The following TANC1 variants were observed in gnomAD, a reference collection of about 807,000 sequenced individuals.
TANC1 encodes tetratricopeptide repeat, ankyrin repeat and coiled-coil containing 1, also known as protein TANC1.
In TANC1, 77 loss-of-function variants were observed where a neutral mutation model predicts 149.7. That is an observed-to-expected ratio of 0.51 (90% CI 0.43 to 0.62). The LOEUF (loss-of-function observed/expected upper bound fraction) is 0.62, where lower values mean the gene tolerates loss of function less well. Ranked by LOEUF, TANC1 falls within the 20% of genes least tolerant of loss-of-function variation. The probability of loss-of-function intolerance (pLI) is 0.00; values close to 1 mark genes in which losing one functional copy is unlikely to be tolerated. For missense variants in TANC1, 1,985 were observed against 2,321.8 expected, an observed-to-expected ratio of 0.85 and a Z score of 2.98; for synonymous variants, 854 against 925.0, an observed-to-expected ratio of 0.92 and a Z score of 1.39.
chr2:159,201,989 T>TA (rs1419869166), intron 19 of TANC1, among the ~76,000 whole-genome samples: 1 of 152,214 alleles, frequency 6.6e-6, no homozygotes, highest in African/African-American at 2.4e-5. Context: ...CGCAGGAGCT[T>TA]AAATTCACGC....
intron 3 of TANC1, among the ~76,000 whole-genome samples, chr2:159,073,432 C>G (rs774643291): frequency 2.0e-5 from 3 of 152,144 alleles, no homozygotes; most frequent in African/African-American, 7.2e-5. Flanking sequence ...CTAATAAGAC[C>G]TTTTTGTGGC....
At chr2:159,170,899 A>C in intron 10 of TANC1, 94 bp downstream of exon 10, 1 of 1,374,340 alleles carries the variant, frequency 7.3e-7, no homozygotes. Context: ...AATTTTCCTC[A>C]AGTTGTTGCA....
chr2:159,100,895 A>G (rs1469614332), intron 4 of TANC1, among the ~76,000 whole-genome samples: 1 of 152,030 alleles, frequency 6.6e-6, no homozygotes, highest in Non-Finnish European at 1.5e-5. Context: ...AAACTGACAT[A>G]TGGTTGTGAA....
intron 16 of TANC1, among the ~76,000 whole-genome samples, chr2:159,189,704 G>A (rs776505669): frequency 1.3e-5 from 2 of 152,168 alleles, no homozygotes; most frequent in Non-Finnish European, 2.9e-5. Context: ...CTGACACTCA[G>A]CAAGCCCTTG....
At chr2:159,079,071 G>C (rs2043985749) in intron 3 of TANC1, among the ~76,000 whole-genome samples, 1 of 151,974 alleles carries the variant, frequency 6.6e-6, no homozygotes, top group Non-Finnish European at 1.5e-5. Flanking sequence ...TTATATTGGG[G>C]GTTTTTGGTA....
chr2:159,119,471 T>C (rs2048629277), intron 4 of TANC1, among the ~76,000 whole-genome samples: 1 of 152,256 alleles, frequency 6.6e-6, no homozygotes, highest in Admixed American at 6.5e-5. Flanking sequence ...TCTGTTGTAA[T>C]AAATCATTGT....
chr2:159,205,727 G>T (rs947364858), intron 19 of TANC1, among the ~76,000 whole-genome samples: 1 of 152,210 alleles, frequency 6.6e-6, no homozygotes, highest in East Asian at 1.9e-4. Context: ...CATTTCTCAG[G>T]ATGCATCCCT....
intron 21 of TANC1, 34 bp from the exon 22 acceptor site, chr2:159,219,658 A>G (rs2059565533): frequency 1.9e-6 from 3 of 1,613,352 alleles, no homozygotes; most frequent in African/African-American, 1.3e-5. Context: ...TCATCTCATA[A>G]TGTTCATGTT....
At chr2:159,220,714 C>G (rs1230568414) in intron 22 of TANC1, among the ~76,000 whole-genome samples, 1 of 152,092 alleles carries the variant, frequency 6.6e-6, no homozygotes, top group East Asian at 1.9e-4. Flanking sequence ...CCTCAGCCCC[C>G]TGAGTAGCTG....
intron 2 of TANC1, among the ~76,000 whole-genome samples, chr2:159,050,697 G>T (rs1287077227): frequency 6.6e-6 from 1 of 152,238 alleles, no homozygotes; most frequent in Admixed American, 6.5e-5. Context: ...ACAGGAGGTT[G>T]TCTGTGAAAT....
At chr2:159,136,022 G>A (rs1307638922) in intron 4 of TANC1, among the ~76,000 whole-genome samples, 172 bp from the exon 5 acceptor site, 3 of 70,184 alleles carry the variant, frequency 4.3e-5, no homozygotes, top group Non-Finnish European at 3.2e-5. Context: ...GTGTGTGTGT[G>A]TGTGTGTGTG....
intron 4 of TANC1, among the ~76,000 whole-genome samples, chr2:159,112,133 TGTGCACTCAGA>T (rs148443564): frequency 0.18 from 27,213 of 152,164 alleles, 2,509 homozygotes; most frequent in Middle Eastern, 0.25. Flanking sequence ...AGAGCAGATA[TGTGCACTCAGA>T]GTTGAATGAA....
rs552914654 is a variant in TANC1 at position 159,071,100 on chromosome 2, C to T, written c.61+5129C>T. Among the ~76,000 whole-genome samples, 17 of 152,242 alleles carry T rather than the reference C, an allele frequency of 1.1e-4. 1 individual carries two copies. In the South Asian group the frequency reaches 3.5e-3, roughly 32 times the overall value. On this transcript the variant is annotated intron_variant, in intron 3 of 26. Transcript: ENST00000263635. The stretch of plus-strand genomic sequence containing the variant: ...AGGCTGGTCCCTGTCTACTTCTGTC[C>T]CTTCTGCCTTCCACCAGTCTTCAAT...
intron 3 of TANC1, among the ~76,000 whole-genome samples, chr2:159,077,480 T>A (rs2043816328): frequency 6.6e-6 from 1 of 152,240 alleles, no homozygotes; most frequent in African/African-American, 2.4e-5. Flanking sequence ...ATTTCTTAGA[T>A]GATCATTCAA....
intron 2 of TANC1, among the ~76,000 whole-genome samples, chr2:159,051,337 T>C (rs994142507): frequency 6.6e-6 from 1 of 152,220 alleles, no homozygotes; most frequent in East Asian, 1.9e-4. Flanking sequence ...TGTGTATGTA[T>C]GTGTGCATGT....
intron 8 of TANC1, among the ~76,000 whole-genome samples, chr2:159,168,368 T>C (rs1313286378): frequency 1.3e-5 from 2 of 148,758 alleles, no homozygotes; most frequent in African/African-American, 5.0e-5. Flanking sequence ...GGCACGATCC[T>C]GGCTCACTGC....
chr2:159,132,840 C>A (rs1460249146), intron 4 of TANC1, among the ~76,000 whole-genome samples: 5 of 151,808 alleles, frequency 3.3e-5, no homozygotes, highest in Admixed American at 6.6e-5. Flanking sequence ...TGAGTCCCTG[C>A]GTTGAGTATC....
intron 1 of TANC1, among the ~76,000 whole-genome samples, chr2:158,977,234 G>C (rs572732867): frequency 6.6e-6 from 1 of 152,044 alleles, no homozygotes; most frequent in Admixed American, 6.5e-5. Flanking sequence ...CCAACTCCTG[G>C]GCTCAAGTGA....
intron 4 of TANC1, among the ~76,000 whole-genome samples, chr2:159,116,454 CAA>C (rs779142844): frequency 1.1e-4 from 15 of 140,462 alleles, no homozygotes; most frequent in African/African-American, 1.6e-4. Context: ...ACAACAACAA[CAA>C]AAAAAAAAAA....
Sources: allele counts gnomAD v4.1 joint callset (sites outside exome capture counted in the v4.1 genomes callset), GRCh38; gene constraint gnomAD v4.1.1; transcripts MANE v1.5; gene names NCBI Gene and HGNC (gene_info 2026-07-23, HGNC 2026-07-21).